Variants in PCDHA8 observed in about 807,000 individuals in gnomAD.
PCDHA8 encodes protocadherin alpha-8.
PCDHA8 carries 53 observed loss-of-function variants against 61.8 expected under a neutral mutation model. The ratio of observed to expected loss-of-function variants is 0.86; its 90% CI spans 0.69 to 1.08. The LOEUF is 1.08. Among genes scored for constraint, PCDHA8 ranks in the 50% least tolerant of loss-of-function variants. The pLI is 0.00. For missense variants in PCDHA8, 1,293 were observed against 1,245.0 expected, an observed-to-expected ratio of 1.04 and a Z score of -0.58; for synonymous variants, 618 against 556.6, an observed-to-expected ratio of 1.11 and a Z score of -1.55.
In PCDHA8 at chr5:140,928,366, C is replaced by T. The variant is rs73793524; in HGVS notation, c.2395-50583C>T. 1.5e-3 allele frequency: 2,439 copies of T among 1,614,110 alleles called. 35 individuals carry two copies. In the African/African-American group the frequency reaches 0.03, roughly 20 times the overall value. ...GCTGTTGGATGTTATCTCTGAAGGG[C>T]CATCAGCCTCTAGCTTGCTGGCAGT... On this transcript the variant is annotated intron_variant, in intron 1 of 3. Coordinates refer to ENST00000531613, the MANE Select transcript of PCDHA8 (RefSeq NM_018911.3).
chr5:141,008,072 T>G (rs1419103459), intron 3 of PCDHA8, among the ~76,000 whole-genome samples: 3 of 152,154 alleles, frequency 2.0e-5, no homozygotes, highest in African/African-American at 7.2e-5. Context: ...TAAGAACTTA[T>G]TGGGGTTATT....
intron 1 of PCDHA8, chr5:140,877,889 GT>G: frequency 6.9e-7 from 1 of 1,458,120 alleles, no homozygotes; most frequent in Non-Finnish European, 9.0e-7. Context: ...AAGAACTTCC[GT>G]TTAGGTTATA....
chr5:140,968,869 C>T, intron 1 of PCDHA8: 1 of 1,614,210 alleles, frequency 6.2e-7, no homozygotes, highest in Non-Finnish European at 8.5e-7. Flanking sequence ...CTCGGACATA[C>T]TCTGAAATTA....
rs2150455221 is a variant in PCDHA8 at position 140,849,869 on chromosome 5, C to T, written c.2394+6154C>T. 12 of 1,598,574 alleles carry T rather than the reference C, an allele frequency of 7.5e-6. No homozygotes were observed. In the South Asian group the frequency reaches 8.8e-5, roughly 12 times the overall value. ...ACAACGCACCAGCGTTCGCGCAGTC[C>T]GAGTACACGGTGTTCGTGAAGGAGA... On this transcript the variant is annotated intron_variant, in intron 1 of 3. Transcript: ENST00000531613.
chr5:140,873,065 C>G (rs1436390392), intron 1 of PCDHA8, among the ~76,000 whole-genome samples: 3 of 152,140 alleles, frequency 2.0e-5, no homozygotes, highest in Admixed American at 2.0e-4. Context: ...TCTTGAGAAT[C>G]ATATCTAGCT....
chr5:140,915,850 C>A (rs2077335554), intron 1 of PCDHA8, among the ~76,000 whole-genome samples: 1 of 152,140 alleles, frequency 6.6e-6, no homozygotes, highest in South Asian at 2.1e-4. Context: ...GGGGTGACAC[C>A]AGCCAAGTTT....
intron 1 of PCDHA8, among the ~76,000 whole-genome samples, chr5:140,925,953 C>T (rs1438087673): frequency 1.3e-5 from 2 of 152,090 alleles, no homozygotes; most frequent in Non-Finnish European, 2.9e-5. Context: ...GAAGGAGAAA[C>T]TGCTATCACG....
intron 1 of PCDHA8, chr5:140,869,272 G>A: frequency 6.2e-7 from 1 of 1,613,572 alleles, no homozygotes; most frequent in Non-Finnish European, 8.5e-7. Flanking sequence ...GCTGGAGCTG[G>A]CGGAGCTGGT....
At chr5:140,863,412 G>A (rs1226445956) in intron 1 of PCDHA8, 2 of 735,306 alleles carry the variant, frequency 2.7e-6, no homozygotes, top group Non-Finnish European at 4.6e-6. Flanking sequence ...CCACGCTGGT[G>A]TACCGCAGCG....
intron 1 of PCDHA8, among the ~76,000 whole-genome samples, chr5:140,959,348 G>C (rs991931151): frequency 1.3e-5 from 2 of 152,110 alleles, no homozygotes; most frequent in Admixed American, 6.5e-5. Flanking sequence ...GCACTCCAGC[G>C]GGACAACTGA....
Position 140,927,170 on chromosome 5 carries a change from G to A in PCDHA8, c.2395-51779G>A, listed in dbSNP as rs370656989. The A allele has an allele frequency of 2.6e-5, 42 of 1,614,048 alleles. No individual in the cohort carries two copies. The highest frequency in any genetic ancestry group is 3.5e-5 in the Non-Finnish European group (41 of 1,180,042). On this transcript the variant is annotated intron_variant, in intron 1 of 3. Coordinates refer to ENST00000531613, the MANE Select transcript of PCDHA8 (RefSeq NM_018911.3). Reference sequence around the variant, plus strand: ...CAGCTGTGCAGGGCCAAAGCTGCCTGCGTCTTGACCTACGACCTGGTGCTC... The same window carrying A: ...CAGCTGTGCAGGGCCAAAGCTGCCTACGTCTTGACCTACGACCTGGTGCTC...
chr5:140,884,172 G>T lies in PCDHA8; in HGVS notation c.2394+40457G>T, dbSNP rs142435897. ...TACACTGGCGAGATCAGCACGACGCGCCCTCTGGACGAGGTGGACGCGCCG... is the reference window on the plus strand; with the variant it reads ...TACACTGGCGAGATCAGCACGACGCTCCCTCTGGACGAGGTGGACGCGCCG... On this transcript the variant is annotated intron_variant, in intron 1 of 3. Transcript: ENST00000531613. 84 of 1,613,386 alleles carry T rather than the reference G, an allele frequency of 5.2e-5. No homozygotes were observed. In the African/African-American group the frequency reaches 9.2e-4, roughly 18 times the overall value.
intron 1 of PCDHA8, among the ~76,000 whole-genome samples, chr5:140,922,088 T>C (rs1361534405): frequency 6.6e-6 from 1 of 152,184 alleles, no homozygotes; most frequent in Non-Finnish European, 1.5e-5. Context: ...AAGTGGTATT[T>C]CTACCAACTA....
chr5:140,890,966 T>C (rs2062882231), intron 1 of PCDHA8, among the ~76,000 whole-genome samples: 1 of 152,206 alleles, frequency 6.6e-6, no homozygotes, highest in African/African-American at 2.4e-5. Flanking sequence ...TCAGGTTTTG[T>C]TTTTCTGAAA....
intron 1 of PCDHA8, among the ~76,000 whole-genome samples, chr5:140,939,994 G>A (rs2092519687): frequency 6.6e-6 from 1 of 151,998 alleles, no homozygotes; most frequent in African/African-American, 2.4e-5. Flanking sequence ...TTTCTCCTTG[G>A]ATTTTGTCAA....
At chr5:140,926,771 A>C (rs2083548742) in intron 1 of PCDHA8, 11 of 1,372,492 alleles carry the variant, frequency 8.0e-6, no homozygotes, top group Non-Finnish European at 1.0e-5. Context: ...TCCAGCCCGC[A>C]GCAGTGACGG....
chr5:140,976,054 G>A (rs1554237225), intron 1 of PCDHA8, among the ~76,000 whole-genome samples: 1 of 152,134 alleles, frequency 6.6e-6, no homozygotes, highest in African/African-American at 2.4e-5. Context: ...AATTGTGATA[G>A]TAATATATGT....
intron 1 of PCDHA8, chr5:140,854,759 A>G (rs2043218942): frequency 6.7e-6 from 1 of 149,714 alleles, no homozygotes. Context: ...TTACATTTTC[A>G]TTCCTGAATA....
chr5:140,869,766 G>A (rs782388204), intron 1 of PCDHA8: 2 of 1,613,210 alleles, frequency 1.2e-6, no homozygotes, highest in Non-Finnish European at 1.7e-6. Flanking sequence ...GAAAACCAGA[G>A]CTTACTGGCA....
Sources: allele counts gnomAD v4.1 joint callset (sites outside exome capture counted in the v4.1 genomes callset), GRCh38; gene constraint gnomAD v4.1.1; transcripts MANE v1.5; gene names NCBI Gene and HGNC (gene_info 2026-07-23, HGNC 2026-07-21).